The following IGFL4 variants were observed in gnomAD, a reference collection of about 807,000 sequenced individuals.
The protein encoded by IGFL4 is insulin growth factor-like family member 4.
Under a neutral mutation model 15.4 loss-of-function variants are expected in IGFL4, and 12 were observed. That is an observed-to-expected ratio of 0.78 (90% CI 0.50 to 1.26). The LOEUF (loss-of-function observed/expected upper bound fraction) is 1.26. Among genes scored for constraint, IGFL4 ranks in the 50% most tolerant of loss-of-function variants. The pLI is 0.00. For missense variants in IGFL4, 126 were observed against 147.8 expected, an observed-to-expected ratio of 0.85 and a Z score of 0.76; for synonymous variants, 54 against 55.9, an observed-to-expected ratio of 0.97 and a Z score of 0.16.
chr19:46,075,033 G>T (rs1046502605), intron 1 of IGFL4, among the ~76,000 whole-genome samples: 5 of 151,986 alleles, frequency 3.3e-5, no homozygotes, highest in East Asian at 1.9e-4. Context: ...AGAACAGAAA[G>T]AATTTGTGGC....
chr19:46,055,842 T>C (rs938983843), intron 2 of IGFL4, among the ~76,000 whole-genome samples: 5 of 152,194 alleles, frequency 3.3e-5, no homozygotes, highest in Admixed American at 2.6e-4. Context: ...AGTGGCATGA[T>C]CTTGGCTCAC....
chr19:46,062,615 C>T (rs1006348903), intron 1 of IGFL4: 5 of 152,166 alleles, frequency 3.3e-5, no homozygotes, highest in African/African-American at 1.2e-4. Flanking sequence ...CATGTGGTCT[C>T]TGGGCAAGAT....
chr19:46,055,808 A>G (rs115517171), intron 2 of IGFL4, among the ~76,000 whole-genome samples: 2,601 of 151,994 alleles, frequency 0.017, 88 homozygotes, highest in African/African-American at 0.06. Context: ...AGTCTTACTC[A>G]TTCTGTTGCC....
In IGFL4 at chr19:46,040,145, T is replaced by A. The variant is rs1270551351; in HGVS notation, c.330+12A>T. On this transcript the variant is annotated intron_variant, in intron 3 of 3. Coordinates refer to ENST00000377697, the MANE Select transcript of IGFL4 (RefSeq NM_001002923.3). This position sits in a 1 kb window ranked among gnomAD's most constrained non-coding sequence, Gnocchi z 4.1. ...CCCCCTCCCACAGCCTGGACTGGAG[T>A]CAGATCCTTACCTGGGCACAGATCC... 6.2e-7 allele frequency: 1 copy of A among 1,612,742 alleles called. No homozygotes were observed. The highest frequency in any genetic ancestry group is 2.2e-5 in the East Asian group (1 of 44,856).
chr19:46,055,161 C>G (rs1309148381), intron 2 of IGFL4, among the ~76,000 whole-genome samples: 1 of 152,212 alleles, frequency 6.6e-6, no homozygotes, highest in African/African-American at 2.4e-5. Flanking sequence ...TCACCTGTGA[C>G]TGTGAAGGCA....
intron 1 of IGFL4, among the ~76,000 whole-genome samples, chr19:46,075,718 A>G (rs893630726): frequency 5.3e-5 from 8 of 152,138 alleles, no homozygotes; most frequent in Non-Finnish European, 1.2e-4. Context: ...CCCTTTCCAC[A>G]TTGAACTCTT....
chr19:46,065,665 G>A (rs1969487861), intron 1 of IGFL4, among the ~76,000 whole-genome samples: 1 of 152,248 alleles, frequency 6.6e-6, no homozygotes, highest in African/African-American at 2.4e-5. Context: ...CAAATGTGCT[G>A]AAAGCCTTTC....
At chr19:46,068,353 G>A (rs1009094389) in intron 1 of IGFL4, among the ~76,000 whole-genome samples, 5 of 152,212 alleles carry the variant, frequency 3.3e-5, no homozygotes, top group African/African-American at 1.2e-4. Flanking sequence ...AAGACCTCGA[G>A]CTCTGAGTGT....
chr19:46,061,162 C>G (rs1248428230), intron 1 of IGFL4, among the ~76,000 whole-genome samples: 1 of 152,160 alleles, frequency 6.6e-6, no homozygotes, highest in Admixed American at 6.5e-5. Context: ...TTTATTCTAT[C>G]TTAAAACTTA....
Position 46,040,664 on chromosome 19 carries a change from A to T in IGFL4, c.20-96T>A. On this transcript the variant is annotated intron_variant, in intron 1 of 3. Transcript: ENST00000377697. This position sits in a 1 kb window ranked among gnomAD's most constrained non-coding sequence, Gnocchi z 4.1. ...TCTCTGAGCTTCTCTGGTTGCTGTT[A>T]ACAGCTCAGAGTGGATTTTGGGACT... 3 of 1,413,672 alleles carry T rather than the reference A, an allele frequency of 2.1e-6. No homozygotes were observed. The highest frequency in any genetic ancestry group is 3.0e-6 in the Non-Finnish European group (3 of 1,011,076). 87.6% of individuals were successfully genotyped at this position (1,413,672 alleles called of 1,614,324 possible).
intron 2 of IGFL4, chr19:46,059,641 A>T (rs1279768986): frequency 1.3e-5 from 2 of 152,148 alleles, no homozygotes; most frequent in Non-Finnish European, 2.9e-5. Flanking sequence ...TTGAAACATA[A>T]TTTTTCTCTC....
chr19:46,056,669 G>A (rs1283171191), intron 2 of IGFL4, among the ~76,000 whole-genome samples: 2 of 152,196 alleles, frequency 1.3e-5, no homozygotes, highest in Non-Finnish European at 2.9e-5. Flanking sequence ...GAGACGAGGA[G>A]GAGTCAGGAA....
At chr19:46,046,455 C>T (rs952386617) in intron 2 of IGFL4, among the ~76,000 whole-genome samples, 1 of 152,142 alleles carries the variant, frequency 6.6e-6, no homozygotes, top group Admixed American at 6.5e-5. Flanking sequence ...TTAAAAGACA[C>T]AGAATGGCAA....
chr19:46,075,349 C>T (rs1422849055), intron 1 of IGFL4, among the ~76,000 whole-genome samples: 1 of 152,174 alleles, frequency 6.6e-6, no homozygotes, highest in African/African-American at 2.4e-5. Flanking sequence ...TCTCTTTAGC[C>T]TCCTCTTGAC....
chr19:46,041,563 T>A (rs544731526), upstream of IGFL4, among the ~76,000 whole-genome samples: 81 of 150,256 alleles, frequency 5.4e-4, no homozygotes, highest in African/African-American at 1.9e-3. Context: ...GATGGATCTC[T>A]GGGATTCCAG....
intron 2 of IGFL4, among the ~76,000 whole-genome samples, chr19:46,046,514 A>G (rs1247682757): frequency 6.6e-6 from 1 of 152,238 alleles, no homozygotes; most frequent in African/African-American, 2.4e-5. Context: ...CGAGAGACCC[A>G]TCTCACATGT....
At chr19:46,042,722 C>T (rs1336970472), upstream of IGFL4, among the ~76,000 whole-genome samples, 1 of 152,160 alleles carries the variant, frequency 6.6e-6, no homozygotes, top group Admixed American at 6.6e-5. Context: ...ACAAAAGGGC[C>T]AGATGACTGA....
At chr19:46,077,342 G>A (rs1969616398), upstream of IGFL4, among the ~76,000 whole-genome samples, 1 of 152,096 alleles carries the variant, frequency 6.6e-6, no homozygotes, top group Non-Finnish European at 1.5e-5. The surrounding 1 kb of genome is among the most constrained non-coding windows in gnomAD (Gnocchi z 5.4). Context: ...AGATGCACCT[G>A]TGACCTGCCC....
In IGFL4 at chr19:46,040,683, T is replaced by G; in HGVS notation, c.20-115A>C. On this transcript the variant is annotated intron_variant, in intron 1 of 3. Transcript: ENST00000377697. This position sits in a 1 kb window ranked among gnomAD's most constrained non-coding sequence, Gnocchi z 4.1. ...GCTGTTAACAGCTCAGAGTGGATTT[T>G]GGGACTGGCTGTGGGTGCAGGTCCT... is the stretch of plus-strand genomic sequence containing the variant. 8.0e-7 allele frequency: 1 copy of G among 1,245,694 alleles called. No homozygotes were observed. The highest frequency in any genetic ancestry group is 1.2e-6 in the Non-Finnish European group (1 of 864,896). 77.2% of individuals were successfully genotyped at this position (1,245,694 alleles called of 1,614,324 possible). A position where few individuals can be genotyped will look rare whatever the true frequency, so the allele number is the denominator to read the frequency against.
Sources: gnomAD v4.1 joint callset for allele counts (sites outside exome capture counted in the v4.1 genomes callset) on GRCh38, gnomAD v4.1.1 for gene constraint, Gnocchi (gnomAD v3.1) non-coding constraint, MANE v1.5 for transcripts, NCBI Gene and HGNC (gene_info 2026-07-23, HGNC 2026-07-21) for gene names.